CFAP54: variants seen among roughly 807,000 people sequenced by gnomAD.
CFAP54 encodes cilia- and flagella-associated protein 54.
CFAP54 carries 290 observed loss-of-function variants against 370.4 expected under a neutral mutation model. That is an observed-to-expected ratio of 0.78 (90% confidence interval 0.71 to 0.86). The LOEUF (loss-of-function observed/expected upper bound fraction) is 0.86, where lower values mean the gene tolerates loss of function less well. Among genes scored for constraint, CFAP54 ranks in the 40% least tolerant of loss-of-function variants. The pLI, the probability that CFAP54 is intolerant of heterozygous loss-of-function variation, is 0.00. For synonymous variants in CFAP54, 1,206 were observed against 1,236.5 expected, an observed-to-expected ratio of 0.98 and a Z score of 0.52; for missense variants, 3,399 against 3,528.7, an observed-to-expected ratio of 0.96 and a Z score of 0.93.
chr12:96,826,267 T>C (rs1313004236), intron 65 of CFAP54, among the ~76,000 whole-genome samples: 1 of 144,250 alleles, frequency 6.9e-6, no homozygotes, highest in African/African-American at 2.5e-5. Flanking sequence ...GATAATTCAA[T>C]TCAATTTAAC....
Position 96,651,823 on chromosome 12 carries a change from C to G in CFAP54, c.5100+8C>G, listed in dbSNP as rs745747437. 1.3e-6 allele frequency: 2 copies of G among 1,502,284 alleles called. No individual in the cohort carries two copies. Among genetic ancestry groups the G allele is most frequent in the South Asian group, 2.3e-5 (2 of 87,380 alleles). 93.1% of individuals were successfully genotyped at this position (1,502,284 alleles called of 1,614,324 possible). ...AATACCAGTTCTATTAAGGTAAAGA[C>G]ACTTTGGTAATTATTTTTATTATAT... On this transcript the variant is annotated splice_region_variant and intron_variant, in intron 36 of 67. Transcript: ENST00000524981.
Position 96,786,729 on chromosome 12 carries a change from C to A in CFAP54, c.8510C>A (p.Ser2837Tyr), listed in dbSNP as rs1271706649. The A allele has an allele frequency of 1.3e-6, 2 of 1,535,964 alleles. No homozygotes were observed. The highest frequency in any genetic ancestry group is 2.4e-5 in the South Asian group (2 of 84,036). Residue 2837 changes from serine to tyrosine, a missense_variant, in exon 62 of 68, where the codon TCC (serine) becomes TAC (tyrosine). Coordinates refer to ENST00000524981, the MANE Select transcript of CFAP54 (RefSeq NM_001306084.2). ...TTGCCAGATGATACACTTCTCACAT[C>A]CCTTTACAACTCTGAGTTGATTTTG... is the stretch of plus-strand genomic sequence containing the variant. ...ISLPDDTLLT[S>Y]LYNSELILRQ... is the part of the protein sequence containing the mutation.
At chr12:96,831,315 C>T (rs1444489508) in intron 66 of CFAP54, among the ~76,000 whole-genome samples, 1 of 152,154 alleles carries the variant, frequency 6.6e-6, no homozygotes, top group Non-Finnish European at 1.5e-5. Context: ...TTGTTGAGTG[C>T]TATGCAGGAA....
intron 9 of CFAP54, among the ~76,000 whole-genome samples, chr12:96,532,104 T>C (rs1048717478): frequency 2.0e-5 from 3 of 152,272 alleles, no homozygotes; most frequent in Non-Finnish European, 4.4e-5. Context: ...ATGTTTCTAA[T>C]ATCCTCTTTT....
chr12:96,743,506 A>G lies in CFAP54; in HGVS notation c.7324A>G (p.Ile2442Val), dbSNP rs1188041626. The G allele has an allele frequency of 1.2e-6, 2 of 1,614,002 alleles. No individual in the cohort carries two copies. The highest frequency in any genetic ancestry group is 2.7e-5 in the African/African-American group (2 of 74,914). ...GGCTGAATTCTTGACGCAAGCTGTA[A>G]TTCTTGGCCTACAAGAAAAGCATTT... is the stretch of plus-strand genomic sequence containing the variant. ...LQAEFLTQAV[I>V]LGLQEKHLKA... The change falls in exon 53 of 68, where the codon ATT (isoleucine) becomes GTT (valine). Residue 2442 changes from isoleucine to valine, a missense_variant. Transcript: ENST00000524981.
At chr12:96,528,555 C>T (rs956934422) in intron 9 of CFAP54, among the ~76,000 whole-genome samples, 5 of 152,090 alleles carry the variant, frequency 3.3e-5, no homozygotes, top group Non-Finnish European at 5.9e-5. Context: ...TTTTCTGGTG[C>T]AGCCATCTGT....
At chr12:96,626,562 T>G (rs960473319) in intron 29 of CFAP54, among the ~76,000 whole-genome samples, 2 of 152,144 alleles carry the variant, frequency 1.3e-5, no homozygotes, top group African/African-American at 4.8e-5. Flanking sequence ...AGAAGTGACC[T>G]TAATGAAATC....
chr12:96,555,827 A>T (rs1182174863), intron 17 of CFAP54, among the ~76,000 whole-genome samples: 1 of 151,946 alleles, frequency 6.6e-6, no homozygotes, highest in African/African-American at 2.4e-5. Flanking sequence ...AGTTTTATTC[A>T]AATAGATCTA....
intron 55 of CFAP54, among the ~76,000 whole-genome samples, chr12:96,749,256 CA>C (rs1958155983): frequency 6.6e-6 from 1 of 152,144 alleles, no homozygotes; most frequent in Admixed American, 6.5e-5. Context: ...AAGGGGCAGA[CA>C]GGCTTTCTCA....
intron 26 of CFAP54, among the ~76,000 whole-genome samples, chr12:96,620,628 A>G (rs1956476719): frequency 1.3e-5 from 2 of 152,262 alleles, no homozygotes; most frequent in African/African-American, 4.8e-5. Flanking sequence ...AACAGAATAT[A>G]TCTACATATA....
At position 96,708,672 on chromosome 12, in the gene CFAP54, T is replaced by A; in HGVS notation, c.6593T>A (p.Leu2198His). 3 of 1,612,284 alleles carry A rather than the reference T, an allele frequency of 1.9e-6. No homozygotes were observed. Among genetic ancestry groups the A allele is most frequent in the Non-Finnish European group, 2.5e-6 (3 of 1,179,542 alleles). Residue 2198 changes from leucine (L) to histidine (H), a missense_variant, in exon 48 of 68, where the codon CTC becomes CAC. Coordinates refer to ENST00000524981, the MANE Select transcript of CFAP54 (RefSeq NM_001306084.2). ...CTGGTTACAATTGGCCAACCACATC[T>A]CTTAAATAAGTTTAATTTTGTTAAA... ...AVLVTIGQPHLLNKFNFVKAY... is the reference protein window; with the variant it reads ...AVLVTIGQPHHLNKFNFVKAY...
intron 4 of CFAP54, among the ~76,000 whole-genome samples, chr12:96,510,983 A>G (rs149603489): frequency 0.011 from 1,594 of 149,560 alleles, 26 homozygotes; most frequent in African/African-American, 0.036. Flanking sequence ...AAAAAAAAAG[A>G]AATGAAAAAG....
intron 60 of CFAP54, among the ~76,000 whole-genome samples, chr12:96,772,193 C>T (rs1037320296): frequency 1.3e-5 from 2 of 152,152 alleles, no homozygotes; most frequent in Non-Finnish European, 1.5e-5. Context: ...CAGTTCCCCC[C>T]AGAAACAATC....
chr12:96,538,281 T>A, intron 12 of CFAP54, 103 bp from the exon 13 acceptor site: 1 of 987,700 alleles, frequency 1.0e-6, no homozygotes, highest in East Asian at 2.6e-5. Flanking sequence ...ATTCAACATG[T>A]TAGTATTTGT....
intron 8 of CFAP54, among the ~76,000 whole-genome samples, chr12:96,526,885 G>GTTTTTTTTTTTTTTTTTTTTTTTTT (rs34080505): frequency 2.0e-5 from 2 of 97,688 alleles, no homozygotes; most frequent in Non-Finnish European, 3.9e-5. Flanking sequence ...CTTATAACAG[G>GTTTTTTTTTTTTTTTTTTTTTTTTT]TTTTTTTTTT....
intron 55 of CFAP54, among the ~76,000 whole-genome samples, chr12:96,748,018 GACTCA>G (rs1958137329): frequency 1.3e-5 from 2 of 151,914 alleles, no homozygotes; most frequent in Non-Finnish European, 2.9e-5. Flanking sequence ...CCAGTCTGCA[GACTCA>G]GATATGTGGT....
At chr12:96,648,208 T>C (rs1294828930) in intron 34 of CFAP54, among the ~76,000 whole-genome samples, 191 bp downstream of exon 34, 1 of 152,240 alleles carries the variant, frequency 6.6e-6, no homozygotes, top group Non-Finnish European at 1.5e-5. Flanking sequence ...TCTATATTCT[T>C]ATGATATTAT....
intron 66 of CFAP54, among the ~76,000 whole-genome samples, chr12:96,835,425 C>G (rs1753270138): frequency 6.6e-6 from 1 of 152,148 alleles, no homozygotes; most frequent in Non-Finnish European, 1.5e-5. Flanking sequence ...AGTCCCCACT[C>G]TGGTCAATGG....
intron 26 of CFAP54, among the ~76,000 whole-genome samples, chr12:96,615,072 G>C (rs908362807): frequency 3.3e-5 from 5 of 152,158 alleles, no homozygotes; most frequent in Admixed American, 6.6e-5. Context: ...TAAGCCAAAA[G>C]AACAAAGCTG....
Sources: allele counts gnomAD v4.1 joint callset (sites outside exome capture counted in the v4.1 genomes callset), GRCh38; gene constraint gnomAD v4.1.1; transcripts MANE v1.5; gene names NCBI Gene and HGNC (gene_info 2026-07-23, HGNC 2026-07-21).